Variants in TMEM233 observed in about 807,000 individuals in gnomAD.
TMEM233 encodes dispanin subfamily B member 2.
A neutral mutation model predicts 11.2 loss-of-function variants in TMEM233; 6 were observed. The ratio of observed to expected loss-of-function variants is 0.54; its 90% confidence interval spans 0.29 to 1.06. The LOEUF is 1.06. TMEM233 is among the 50% of genes least tolerant of loss of function. TMEM233 has a pLI of 0.08. For missense variants in TMEM233, 127 were observed against 144.7 expected, an observed-to-expected ratio of 0.88 and a Z score of 0.63; for synonymous variants, 59 against 55.8, an observed-to-expected ratio of 1.06 and a Z score of -0.26.
intron 2 of TMEM233, among the ~76,000 whole-genome samples, chr12:119,638,326 G>A (rs1001587336): frequency 3.3e-5 from 5 of 152,116 alleles, no homozygotes; most frequent in African/African-American, 1.2e-4. Context: ...ATCTGGGCTT[G>A]GTGGCATGCA....
chr12:119,618,860 AG>A (rs1954588776), intron 1 of TMEM233, among the ~76,000 whole-genome samples: 1 of 152,138 alleles, frequency 6.6e-6, no homozygotes, highest in African/African-American at 2.4e-5. Flanking sequence ...GCTGAGACTT[AG>A]GGGGACTGTT....
At chr12:119,626,601 A>G (rs533572528) in intron 1 of TMEM233, among the ~76,000 whole-genome samples, 29 of 126,098 alleles carry the variant, frequency 2.3e-4, no homozygotes, top group South Asian at 1.3e-3. Context: ...GAAGAGAAAA[A>G]AGAAAAGAAA....
Position 119,594,101 on chromosome 12 carries a change from G to T in TMEM233, c.186+67G>T, listed in dbSNP as rs1953976400. 1.3e-6 allele frequency: 2 copies of T among 1,481,642 alleles called. No individual in the cohort carries two copies. The highest frequency in any genetic ancestry group is 1.8e-6 in the Non-Finnish European group (2 of 1,096,224). 91.8% of individuals were successfully genotyped at this position (1,481,642 alleles called of 1,614,324 possible). A position where few individuals can be genotyped will look rare whatever the true frequency, so the allele number is the denominator to read the frequency against. ...CGGGCGGCTTTGAGCCCCTGCAGGGGAGTCCGCGCGCTCTCTGCGGCTCCC... is the reference window on the plus strand; with the variant it reads ...CGGGCGGCTTTGAGCCCCTGCAGGGTAGTCCGCGCGCTCTCTGCGGCTCCC... On this transcript the variant is annotated intron_variant, in intron 1 of 2. Coordinates refer to ENST00000426426, the MANE Select transcript of TMEM233 (RefSeq NM_001136534.3). This position sits in a 1 kb window ranked among gnomAD's most constrained non-coding sequence, Gnocchi z 5.6.
rs6144897 is a variant in TMEM233 at position 119,605,409 on chromosome 12, CTTTTTTTTTTTTTTTTTTTTTTT to C, written c.186+11389_186+11411del. ...TTATAATCAGACAGCTATGCCTTTC[CTTTTTTTTTTTTTTTTTTTTTTT>C]TTTTTTTTTTTTTGAGACAGGGCCT... is the stretch of plus-strand genomic sequence containing the variant. On this transcript the variant is annotated intron_variant, in intron 1 of 2. Coordinates refer to ENST00000426426, the MANE Select transcript of TMEM233 (RefSeq NM_001136534.3). Among the ~76,000 whole-genome samples the C allele has an allele frequency of 9.5e-4, 89 of 93,618 alleles. 1 individual carries two copies. Among genetic ancestry groups the C allele is most frequent in the South Asian group, 6.6e-3 (15 of 2,286 alleles). The allele number at this position is 93,618 out of a possible 152,430, so 61.4% of individuals were successfully genotyped here.
At chr12:119,624,612 A>C (rs932159159) in intron 1 of TMEM233, among the ~76,000 whole-genome samples, 1 of 152,152 alleles carries the variant, frequency 6.6e-6, no homozygotes, top group African/African-American at 2.4e-5. Context: ...GCATAATTTC[A>C]CTTGCATGAG....
the TMEM233 span, among the ~76,000 whole-genome samples, chr12:119,649,301 A>T: frequency 6.6e-6 from 1 of 152,236 alleles, no homozygotes; most frequent in South Asian, 2.1e-4. Flanking sequence ...TCTGTCTCAA[A>T]AAAACAGAAG....
intron 1 of TMEM233, among the ~76,000 whole-genome samples, chr12:119,601,011 G>T (rs1415887246): frequency 6.6e-6 from 1 of 152,000 alleles, no homozygotes; most frequent in Non-Finnish European, 1.5e-5. Flanking sequence ...GATAAAAATA[G>T]TCAAGAATAT....
At position 119,595,363 on chromosome 12, in the gene TMEM233, G is replaced by A. The variant is rs1381622409; in HGVS notation, c.186+1329G>A. Among the ~76,000 whole-genome samples, 1 of 152,222 alleles carries A rather than the reference G, an allele frequency of 6.6e-6. No individual in the cohort carries two copies. The highest frequency in any genetic ancestry group is 1.9e-4 in the East Asian group (1 of 5,202). ...TCGCTAGCCACCCGTCCCCCATCAA[G>A]TCCGCCCACACTTGCCCACGGGTGG... On this transcript the variant is annotated intron_variant, in intron 1 of 2. Transcript: ENST00000426426. The surrounding 1 kb of genome is among the most constrained non-coding windows in gnomAD (Gnocchi z 4.3).
chr12:119,650,796 C>T, the TMEM233 span, among the ~76,000 whole-genome samples: 2 of 152,332 alleles, frequency 1.3e-5, no homozygotes, highest in South Asian at 2.1e-4. Context: ...GCATGAGCCA[C>T]CACACCCAGC....
intron 2 of TMEM233, among the ~76,000 whole-genome samples, chr12:119,639,016 G>A (rs1375666717): frequency 6.6e-6 from 1 of 151,766 alleles, no homozygotes; most frequent in Non-Finnish European, 1.5e-5. Flanking sequence ...CTCCACTTCA[G>A]CCACATCAGA....
At chr12:119,652,565 A>G in the TMEM233 span, among the ~76,000 whole-genome samples, 3 of 152,202 alleles carry the variant, frequency 2.0e-5, no homozygotes. Flanking sequence ...CAAAAGCAAT[A>G]GTCTTATTAG....
chr12:119,631,695 G>A (rs926904085), intron 2 of TMEM233: 1 of 983,626 alleles, frequency 1.0e-6, no homozygotes, highest in Non-Finnish European at 1.2e-6. Context: ...TGCAGTTTTG[G>A]CACCAGACTG....
In TMEM233 at chr12:119,642,899, A is replaced by G. The variant is rs1955105623; in HGVS notation, c.*2194A>G. 6.6e-6 allele frequency: 1 copy of G among 152,188 alleles called. No individual in the cohort carries two copies. Among genetic ancestry groups the G allele is most frequent in the Non-Finnish European group, 1.5e-5 (1 of 68,030 alleles). 9.4% of individuals were successfully genotyped at this position (152,188 alleles called of 1,614,324 possible). A position where few individuals can be genotyped will look rare whatever the true frequency, so the allele number is the denominator to read the frequency against. On this transcript the variant is annotated 3_prime_UTR_variant, in exon 3 of 3. Transcript: ENST00000426426. ...GTCCCAGGAGGACGTTGAATCAGGGACACGAAATCTCAGCACACAGAGATT... is the reference window on the plus strand; with the variant it reads ...GTCCCAGGAGGACGTTGAATCAGGGGCACGAAATCTCAGCACACAGAGATT...
At chr12:119,629,271 G>A (rs769342855) in intron 1 of TMEM233, among the ~76,000 whole-genome samples, 17 of 152,132 alleles carry the variant, frequency 1.1e-4, no homozygotes, top group African/African-American at 2.2e-4. Context: ...TTAGCCAGGC[G>A]TGGTGGCGGG....
intron 1 of TMEM233, among the ~76,000 whole-genome samples, chr12:119,622,676 C>CG (rs138867689): frequency 0.014 from 2,080 of 152,266 alleles, 35 homozygotes; most frequent in Middle Eastern, 0.061. Flanking sequence ...CGAGACCCCC[C>CG]CAGCCATGGA....
chr12:119,621,314 C>T (rs1011958749), intron 1 of TMEM233, among the ~76,000 whole-genome samples: 2 of 152,196 alleles, frequency 1.3e-5, no homozygotes, highest in African/African-American at 4.8e-5. Flanking sequence ...GTTGGGATTA[C>T]AGGCATGAAT....
At chr12:119,624,356 T>A (rs1356665520) in intron 1 of TMEM233, among the ~76,000 whole-genome samples, 3 of 149,352 alleles carry the variant, frequency 2.0e-5, no homozygotes, top group Non-Finnish European at 4.4e-5. Context: ...TGAGACCTCA[T>A]CTCAAAAAAA....
intron 2 of TMEM233, among the ~76,000 whole-genome samples, chr12:119,633,324 A>C (rs1954921082): frequency 6.6e-6 from 1 of 152,152 alleles, no homozygotes; most frequent in East Asian, 1.9e-4. Flanking sequence ...TGATGCCTAT[A>C]ATCCTAGCAC....
At chr12:119,614,943 TCTCTCTC>T (rs757458174) in intron 1 of TMEM233, among the ~76,000 whole-genome samples, 6 of 151,794 alleles carry the variant, frequency 4.0e-5, no homozygotes, top group Admixed American at 6.6e-5. Flanking sequence ...CCTTATCTCA[TCTCTCTC>T]CTCTCTCCTC....
Sources: gnomAD v4.1 joint callset for allele counts (sites outside exome capture counted in the v4.1 genomes callset) on GRCh38, gnomAD v4.1.1 for gene constraint, Gnocchi (gnomAD v3.1) non-coding constraint, MANE v1.5 for transcripts, NCBI Gene and HGNC (gene_info 2026-07-23, HGNC 2026-07-21) for gene names.